Variants in PTPRD observed in about 807,000 individuals in gnomAD.
The protein encoded by PTPRD is protein tyrosine phosphatase receptor type D, also known as receptor-type tyrosine-protein phosphatase delta.
Under a neutral mutation model 214.5 loss-of-function variants are expected in PTPRD, and 34 were observed. The observed-to-expected ratio is 0.16, with a 90% confidence interval of 0.12 to 0.21. The LOEUF (loss-of-function observed/expected upper bound fraction) is 0.21. PTPRD is among the 10% of genes least tolerant of loss of function. The pLI, the probability that PTPRD is intolerant of heterozygous loss-of-function variation, is 1.00. For missense variants in PTPRD, 2,545 were observed against 2,398.7 expected (o/e 1.06, Z -1.27); for synonymous variants, 1,128 against 845.7 (o/e 1.33, Z -5.79).
At chr9:9,197,649 G>A (rs1274921447) in intron 9 of PTPRD, among the ~76,000 whole-genome samples, 1 of 152,152 alleles carries the variant, frequency 6.6e-6, no homozygotes, top group African/African-American at 2.4e-5. Context: ...GACCTCAGGT[G>A]ATCTGCCCGC....
At chr9:8,895,391 C>T (rs907235468) in intron 11 of PTPRD, among the ~76,000 whole-genome samples, 4 of 152,094 alleles carry the variant, frequency 2.6e-5, no homozygotes, top group African/African-American at 9.7e-5. Flanking sequence ...CTCTCTCTGT[C>T]CTTTTGAAAA....
chr9:8,726,588 A>AAAAT (rs1565592985), intron 12 of PTPRD, among the ~76,000 whole-genome samples: 2 of 9,680 alleles, frequency 2.1e-4, no homozygotes, highest in Non-Finnish European at 3.7e-4. Flanking sequence ...AAAAAAAAAA[A>AAAAT]ATATATATAT....
At chr9:8,960,440 G>A (rs1310388770) in intron 11 of PTPRD, among the ~76,000 whole-genome samples, 1 of 152,076 alleles carries the variant, frequency 6.6e-6, no homozygotes, top group East Asian at 1.9e-4. Context: ...ATTGTGCTTT[G>A]CGTAGGCAGC....
intron 10 of PTPRD, among the ~76,000 whole-genome samples, chr9:9,059,937 G>A (rs1412102): frequency 0.13 from 19,897 of 152,058 alleles, 1,366 homozygotes; most frequent in Middle Eastern, 0.2. Flanking sequence ...ATATTTATCA[G>A]TGGAAAGATT....
intron 12 of PTPRD, among the ~76,000 whole-genome samples, chr9:8,708,640 G>A (rs985013736): frequency 7.4e-6 from 1 of 134,978 alleles, no homozygotes; most frequent in Admixed American, 8.4e-5. Context: ...GATCGCACCA[G>A]TGCACTCCAG....
At chr9:9,122,507 C>T (rs578125799) in intron 10 of PTPRD, among the ~76,000 whole-genome samples, 4 of 152,200 alleles carry the variant, frequency 2.6e-5, no homozygotes, top group Non-Finnish European at 5.9e-5. Context: ...CCTTTTTAGT[C>T]AGATCTCCAT....
intron 9 of PTPRD, among the ~76,000 whole-genome samples, chr9:9,395,675 T>C (rs2067519553): frequency 6.6e-6 from 1 of 152,088 alleles, no homozygotes; most frequent in Non-Finnish European, 1.5e-5. Context: ...ACCTGCCAAC[T>C]TTGGCATCTA....
chr9:8,741,286 G>GGAT (rs1040959818), intron 11 of PTPRD, among the ~76,000 whole-genome samples: 1 of 152,034 alleles, frequency 6.6e-6, no homozygotes, highest in Non-Finnish European at 1.5e-5. Context: ...TTGAAAAGAA[G>GGAT]GATAGCTTTA....
Position 8,730,917 on chromosome 9 carries a change from G to A in PTPRD, c.64+2863C>T, listed in dbSNP as rs976604671. 2.9e-5 allele frequency among the ~76,000 whole-genome samples: 4 copies of A among 138,858 alleles called. 1 individual carries two copies. The South Asian group carries it at 6.8e-4, about 24-fold the overall frequency. 91.1% of individuals were successfully genotyped at this position (138,858 alleles called of 152,430 possible). A position where few individuals can be genotyped will look rare whatever the true frequency, so the allele number is the denominator to read the frequency against. ...CAGACATGCATTCAAGAAACAACAA[G>A]CAAAATCATCTGGGCCATTCAAGAC... On this transcript the variant is annotated intron_variant, in intron 12 of 45. Coordinates refer to ENST00000381196, the MANE Select transcript of PTPRD (RefSeq NM_002839.4).
chr9:9,632,527 T>C (rs976621446), intron 7 of PTPRD, among the ~76,000 whole-genome samples: 9 of 152,142 alleles, frequency 5.9e-5, no homozygotes, highest in Non-Finnish European at 8.8e-5. Context: ...AAAACAACTA[T>C]ATTGTTCACT....
At chr9:9,559,794 C>G (rs1335766313) in intron 8 of PTPRD, among the ~76,000 whole-genome samples, 1 of 152,186 alleles carries the variant, frequency 6.6e-6, no homozygotes, top group African/African-American at 2.4e-5. Context: ...CAGCTGCCAA[C>G]CCATGAAAAA....
At chr9:9,666,707 C>A (rs1196205622) in intron 7 of PTPRD, among the ~76,000 whole-genome samples, 2 of 151,956 alleles carry the variant, frequency 1.3e-5, no homozygotes, top group South Asian at 2.1e-4. Context: ...GGCAGTAGTT[C>A]CTTTATTGTT....
intron 8 of PTPRD, among the ~76,000 whole-genome samples, chr9:9,569,973 G>T (rs2085845551): frequency 6.6e-6 from 1 of 151,320 alleles, no homozygotes; most frequent in African/African-American, 2.4e-5. Flanking sequence ...TAGTTTTTCA[G>T]AAATATCAGT....
At chr9:8,814,710 G>C (rs2096885067) in intron 11 of PTPRD, among the ~76,000 whole-genome samples, 1 of 152,174 alleles carries the variant, frequency 6.6e-6, no homozygotes, top group Non-Finnish European at 1.5e-5. Context: ...CCAAGGATGA[G>C]GAAGAAGTGA....
intron 3 of PTPRD, among the ~76,000 whole-genome samples, chr9:10,054,590 C>T (rs1465086156): frequency 2.6e-5 from 4 of 152,056 alleles, no homozygotes; most frequent in Admixed American, 6.6e-5. Flanking sequence ...TTTTCAAGGA[C>T]GTGGGAGCCA....
intron 21 of PTPRD, among the ~76,000 whole-genome samples, chr9:8,508,156 T>C (rs2097579353): frequency 6.6e-6 from 1 of 152,240 alleles, no homozygotes; most frequent in Admixed American, 6.5e-5. Context: ...AGGATACACT[T>C]ATCAGAAATA....
intron 5 of PTPRD, among the ~76,000 whole-genome samples, chr9:9,819,411 C>T (rs2049940565): frequency 6.6e-6 from 1 of 152,286 alleles, no homozygotes; most frequent in African/African-American, 2.4e-5. Flanking sequence ...ATATGATTCA[C>T]CTTTGGTTTA....
intron 2 of PTPRD, among the ~76,000 whole-genome samples, chr9:10,377,946 T>C (rs1485614711): frequency 6.6e-6 from 1 of 152,070 alleles, no homozygotes; most frequent in Non-Finnish European, 1.5e-5. Flanking sequence ...TGTTGGATCA[T>C]ACGGTAGCTC....
At position 9,936,841 on chromosome 9, in the gene PTPRD, A is replaced by G. The variant is rs1437554782; in HGVS notation, c.-368+1666T>C. Among the ~76,000 whole-genome samples the G allele has an allele frequency of 2.1e-5, 3 of 142,732 alleles. No individual in the cohort carries two copies. In the Admixed American group the frequency reaches 2.2e-4, roughly 10 times the overall value. 93.6% of individuals were successfully genotyped at this position (142,732 alleles called of 152,430 possible). On this transcript the variant is annotated intron_variant, in intron 5 of 45. Transcript: ENST00000381196. ...GAACCAACCCAAATGTCCAACAATG[A>G]TAGACTGGATTAAGAAAATGTGGCA...
Sources: allele counts gnomAD v4.1 joint callset (sites outside exome capture counted in the v4.1 genomes callset), GRCh38; gene constraint gnomAD v4.1.1; transcripts MANE v1.5; gene names NCBI Gene and HGNC (gene_info 2026-07-23, HGNC 2026-07-21).